CCDC102B: variants seen among roughly 807,000 people sequenced by gnomAD.
The protein encoded by CCDC102B is coiled-coil domain containing 102B.
In CCDC102B, 75 loss-of-function variants were observed where a neutral mutation model predicts 57.4. The ratio of observed to expected loss-of-function variants is 1.31; its 90% CI spans 1.08 to 1.58. The LOEUF is 1.58. Among genes scored for constraint, CCDC102B ranks in the 40% most tolerant of loss-of-function variants. CCDC102B has a pLI of 0.00. For synonymous variants in CCDC102B, 206 were observed against 201.9 expected, an observed-to-expected ratio of 1.02 and a Z score of -0.17; for missense variants, 636 against 582.6, an observed-to-expected ratio of 1.09 and a Z score of -0.94.
At chr18:69,046,941 T>A (rs1429894073) in intron 7 of CCDC102B, among the ~76,000 whole-genome samples, 1 of 152,146 alleles carries the variant, frequency 6.6e-6, no homozygotes, top group Non-Finnish European at 1.5e-5. Context: ...CTCTATTCTG[T>A]TTCATTGGTC....
chr18:68,733,513 TA>T, intron 2 of CCDC102B, among the ~76,000 whole-genome samples: 1 of 138,918 alleles, frequency 7.2e-6, no homozygotes, highest in Non-Finnish European at 1.6e-5. Context: ...TATATTTTTT[TA>T]ACTTAAGCAT....
Position 68,897,341 on chromosome 18 carries a change from G to A in CCDC102B, c.1176G>A (p.Glu392=). The A allele has an allele frequency of 6.2e-7, 1 of 1,613,174 alleles. No homozygotes were observed. The highest frequency in any genetic ancestry group is 8.5e-7 in the Non-Finnish European group (1 of 1,179,354). The change falls in exon 6 of 8, where the codon GAG becomes GAA. Residue 392 remains glutamate, a synonymous_variant. Transcript: ENST00000360242. ...AGATCCAGGTGAAAGAAATGGAAGA[G>A]CTTTTGGATAAGAAAAATAGATTAA... ...RLKIQVKEME[E]LLDKKNRLSA...
chr18:69,024,500 A>G (rs182193648), intron 7 of CCDC102B, among the ~76,000 whole-genome samples: 1 of 152,128 alleles, frequency 6.6e-6, no homozygotes, highest in Non-Finnish European at 1.5e-5. Context: ...ACAATAAAAT[A>G]TAAACCATAC....
intron 6 of CCDC102B, among the ~76,000 whole-genome samples, chr18:68,964,346 G>A (rs1235708293): frequency 6.7e-6 from 1 of 149,802 alleles, no homozygotes; most frequent in African/African-American, 2.4e-5. Flanking sequence ...AATATTTTAT[G>A]AATACAAAAT....
intron 4 of CCDC102B, among the ~76,000 whole-genome samples, chr18:68,850,526 G>T (rs546427386): frequency 1.3e-5 from 2 of 151,946 alleles, no homozygotes; most frequent in Non-Finnish European, 2.9e-5. Context: ...TCATCAACCT[G>T]CCAATTCCCT....
chr18:68,918,963 T>C (rs1204454296), intron 6 of CCDC102B, among the ~76,000 whole-genome samples: 2 of 152,058 alleles, frequency 1.3e-5, no homozygotes, highest in African/African-American at 4.8e-5. Context: ...ATATGTATTG[T>C]ATATAAAAGG....
intron 6 of CCDC102B, among the ~76,000 whole-genome samples, chr18:69,000,657 C>A (rs2051176038): frequency 6.6e-6 from 1 of 151,908 alleles, no homozygotes; most frequent in Non-Finnish European, 1.5e-5. Context: ...CAGAGTAAGT[C>A]CTGTTTTACA....
intron 2 of CCDC102B, among the ~76,000 whole-genome samples, chr18:68,788,658 CT>C (rs1173356238): frequency 2.0e-5 from 3 of 148,680 alleles, no homozygotes; most frequent in African/African-American, 5.1e-5. Context: ...CAACCCCTGC[CT>C]TTTTTTGTTT....
chr18:68,788,149 T>G (rs778924235), intron 2 of CCDC102B, among the ~76,000 whole-genome samples: 2 of 152,174 alleles, frequency 1.3e-5, no homozygotes, highest in Non-Finnish European at 2.9e-5. Flanking sequence ...TTGAGTGAGA[T>G]TCTTAATCCT....
At chr18:68,994,466 T>C (rs1346176845) in intron 6 of CCDC102B, among the ~76,000 whole-genome samples, 1 of 152,040 alleles carries the variant, frequency 6.6e-6, no homozygotes, top group African/African-American at 2.4e-5. Context: ...CACCTTGAAT[T>C]GTAATCCTCG....
intron 2 of CCDC102B, among the ~76,000 whole-genome samples, chr18:68,719,529 AC>A (rs1420840411): frequency 2.0e-5 from 3 of 152,112 alleles, no homozygotes; most frequent in African/African-American, 7.2e-5. Context: ...TCAAACACAG[AC>A]AGTGAATTTA....
intron 2 of CCDC102B, among the ~76,000 whole-genome samples, chr18:68,725,593 A>G (rs748068385): frequency 7.2e-5 from 11 of 152,214 alleles, no homozygotes; most frequent in Admixed American, 1.3e-4. Flanking sequence ...CCCACTTCAA[A>G]GCCAGTGACA....
chr18:68,782,057 T>C (rs1288624839), intron 2 of CCDC102B, among the ~76,000 whole-genome samples: 4 of 152,146 alleles, frequency 2.6e-5, no homozygotes, highest in African/African-American at 4.8e-5. Flanking sequence ...AGGAATGCAA[T>C]TTCTCTTTGA....
intron 6 of CCDC102B, chr18:68,908,112 C>T (rs991600511): frequency 2.0e-5 from 3 of 152,212 alleles, no homozygotes; most frequent in East Asian, 1.9e-4. Context: ...TTGAACTACT[C>T]TTTCATTCTA....
chr18:69,031,008 G>A lies in CCDC102B; in HGVS notation c.1434+19904G>A, dbSNP rs1349099935. On this transcript the variant is annotated intron_variant, in intron 7 of 7. Transcript: ENST00000360242. ...TTCAATTTAATTCCATGAAATTAAG[G>A]TTTTGTTTCTTTTACTTTCTGTCCA... 2.0e-5 allele frequency among the ~76,000 whole-genome samples: 3 copies of A among 152,096 alleles called. No individual in the cohort carries two copies. In the East Asian group the frequency reaches 5.8e-4, roughly 29 times the overall value.
At chr18:69,016,067 G>A (rs2051658489) in intron 7 of CCDC102B, among the ~76,000 whole-genome samples, 2 of 143,268 alleles carry the variant, frequency 1.4e-5, no homozygotes, top group African/African-American at 5.2e-5. Flanking sequence ...GTTTCAACAT[G>A]TTAGCCAGGA....
At chr18:68,816,393 G>C (rs575717602) in intron 1 of CCDC102B, among the ~76,000 whole-genome samples, 2 of 150,996 alleles carry the variant, frequency 1.3e-5, no homozygotes, top group African/African-American at 4.9e-5. Flanking sequence ...ACTTCTCCAA[G>C]ATCTCACACC....
At chr18:69,037,014 T>TGG (rs1568141142) in intron 7 of CCDC102B, among the ~76,000 whole-genome samples, 1 of 105,130 alleles carries the variant, frequency 9.5e-6, no homozygotes, top group Non-Finnish European at 2.0e-5. Context: ...TATATATGTG[T>TGG]GGGGGTGTAT....
At chr18:68,759,846 T>C (rs2034195713) in intron 2 of CCDC102B, among the ~76,000 whole-genome samples, 1 of 152,084 alleles carries the variant, frequency 6.6e-6, no homozygotes, top group Non-Finnish European at 1.5e-5. Context: ...CCCACACTTC[T>C]GAGAGTTCTG....
Sources: gnomAD v4.1 joint callset for allele counts (sites outside exome capture counted in the v4.1 genomes callset) on GRCh38, gnomAD v4.1.1 for gene constraint, MANE v1.5 for transcripts, NCBI Gene and HGNC (gene_info 2026-07-23, HGNC 2026-07-21) for gene names.